LRMDA: variants seen among roughly 807,000 people sequenced by gnomAD.
The protein encoded by LRMDA is leucine rich melanocyte differentiation associated.
LRMDA carries 18 observed loss-of-function variants against 29.8 expected under a neutral mutation model. The ratio of observed to expected loss-of-function variants is 0.60; its 90% CI spans 0.42 to 0.90. LRMDA has a LOEUF of 0.90. LRMDA is among the 40% of genes least tolerant of loss of function. LRMDA has a pLI of 0.00. For missense variants in LRMDA, 273 were observed against 273.9 expected (o/e 1.00, Z 0.02); for synonymous variants, 125 against 109.4 (o/e 1.14, Z -0.89).
At chr10:76,314,500 C>A (rs1051510391) in intron 5 of LRMDA, among the ~76,000 whole-genome samples, 1 of 152,200 alleles carries the variant, frequency 6.6e-6, no homozygotes, top group Non-Finnish European at 1.5e-5. Flanking sequence ...GCAAATACTC[C>A]CACAGTGGCC....
At chr10:75,548,476 T>G (rs903803973) in intron 2 of LRMDA, among the ~76,000 whole-genome samples, 1 of 152,140 alleles carries the variant, frequency 6.6e-6, no homozygotes, top group African/African-American at 2.4e-5. Context: ...GGACCCAGCC[T>G]AGGCCTCCTT....
chr10:76,397,201 C>A (rs114466201), intron 6 of LRMDA, among the ~76,000 whole-genome samples: 3,517 of 152,204 alleles, frequency 0.023, 146 homozygotes, highest in African/African-American at 0.078. Context: ...ATCGGTCAAG[C>A]CATTGCTACC....
In LRMDA at chr10:76,279,638, C is replaced by T. The variant is rs186385344; in HGVS notation, c.517-44763C>T. 8.4e-4 allele frequency among the ~76,000 whole-genome samples: 126 copies of T among 150,484 alleles called. No homozygotes were observed. The Middle Eastern group carries it at 0.014, about 16-fold the overall frequency. ...TTGGCTCACTGCAACCGCTGCCTCC[C>T]GGGTTCAAGCGATTCTCCTGCCTCA... On this transcript the variant is annotated intron_variant, in intron 5 of 6. Transcript: ENST00000611255.
chr10:76,107,301 G>T (rs1461117633), intron 5 of LRMDA, among the ~76,000 whole-genome samples: 1 of 152,180 alleles, frequency 6.6e-6, no homozygotes, highest in Non-Finnish European at 1.5e-5. Flanking sequence ...AGTAAGTCTG[G>T]GGTAGGGCCT....
At chr10:75,748,174 A>G (rs1589185024) in intron 2 of LRMDA, among the ~76,000 whole-genome samples, 1 of 151,936 alleles carries the variant, frequency 6.6e-6, no homozygotes, top group African/African-American at 2.4e-5. Context: ...GCTTACTGCA[A>G]CCTCTGCCTC....
intron 2 of LRMDA, among the ~76,000 whole-genome samples, chr10:75,980,742 T>C (rs925739751): frequency 1.3e-5 from 2 of 152,218 alleles, no homozygotes; most frequent in African/African-American, 4.8e-5. Context: ...CCTCTTTTAC[T>C]CTTCTTACAA....
chr10:76,034,795 T>G (rs1218265420), intron 2 of LRMDA, among the ~76,000 whole-genome samples: 2 of 152,138 alleles, frequency 1.3e-5, no homozygotes, highest in Admixed American at 1.3e-4. Context: ...TTGTCACATT[T>G]TATAGAATAG....
chr10:75,895,043 A>G (rs1438916676), intron 2 of LRMDA, among the ~76,000 whole-genome samples: 1 of 152,182 alleles, frequency 6.6e-6, no homozygotes, highest in Non-Finnish European at 1.5e-5. Flanking sequence ...CCAGTGGGAA[A>G]GGGACAGCTT....
At chr10:76,032,911 T>C (rs542753155) in intron 2 of LRMDA, among the ~76,000 whole-genome samples, 1 of 152,282 alleles carries the variant, frequency 6.6e-6, no homozygotes, top group South Asian at 2.1e-4. Context: ...GGGTGCATTT[T>C]GCTGTCCATA....
intron 4 of LRMDA, among the ~76,000 whole-genome samples, chr10:76,047,739 A>C (rs1335440771): frequency 6.6e-6 from 1 of 152,174 alleles, no homozygotes; most frequent in Admixed American, 6.5e-5. Flanking sequence ...CTGTGTTGTA[A>C]GATCTTTCTG....
intron 6 of LRMDA, among the ~76,000 whole-genome samples, chr10:76,350,271 C>T (rs1383765158): frequency 6.6e-6 from 1 of 151,996 alleles, no homozygotes; most frequent in Non-Finnish European, 1.5e-5. Flanking sequence ...AAAATGATAG[C>T]TCTTATTATT....
At chr10:76,514,255 T>C (rs1480202171) in intron 6 of LRMDA, among the ~76,000 whole-genome samples, 1 of 152,136 alleles carries the variant, frequency 6.6e-6, no homozygotes, top group African/African-American at 2.4e-5. Context: ...CCTTCCAAAG[T>C]GTCTACTTGC....
intron 1 of LRMDA, 45 bp downstream of exon 1, chr10:75,431,799 T>TG: frequency 7.6e-7 from 1 of 1,319,492 alleles, no homozygotes; most frequent in Non-Finnish European, 9.7e-7. Context: ...GCAGTCCGCG[T>TG]GGGGAGGGAC....
intron 2 of LRMDA, among the ~76,000 whole-genome samples, chr10:75,843,278 A>G (rs1171131195): frequency 1.3e-5 from 2 of 152,262 alleles, no homozygotes; most frequent in East Asian, 1.9e-4. Flanking sequence ...GTTTAGCTCA[A>G]TGCATACGGT....
At chr10:75,963,730 G>A (rs1463515404) in intron 2 of LRMDA, among the ~76,000 whole-genome samples, 2 of 152,196 alleles carry the variant, frequency 1.3e-5, no homozygotes, top group Non-Finnish European at 1.5e-5. Context: ...GGGCAAAAGA[G>A]ATGCAAAAAT....
intron 2 of LRMDA, among the ~76,000 whole-genome samples, chr10:75,917,009 C>A (rs543559001): frequency 6.6e-6 from 1 of 152,136 alleles, no homozygotes; most frequent in Non-Finnish European, 1.5e-5. Flanking sequence ...TGTTAAGTTG[C>A]TTCTTTGCGA....
intron 2 of LRMDA, among the ~76,000 whole-genome samples, chr10:75,870,116 G>A (rs1589235189): frequency 6.6e-6 from 1 of 152,108 alleles, no homozygotes; most frequent in South Asian, 2.1e-4. Flanking sequence ...TTTTTGTAGG[G>A]CTTGTGGGCT....
intron 2 of LRMDA, among the ~76,000 whole-genome samples, chr10:76,026,407 C>A (rs955722928): frequency 6.6e-6 from 1 of 152,194 alleles, no homozygotes; most frequent in African/African-American, 2.4e-5. Flanking sequence ...GGACATTAGT[C>A]ATCTTCTGTG....
intron 2 of LRMDA, among the ~76,000 whole-genome samples, chr10:75,773,510 G>T (rs1008263591): frequency 2.0e-5 from 3 of 152,178 alleles, no homozygotes; most frequent in Admixed American, 6.5e-5. Flanking sequence ...AGCCCCTGGG[G>T]GACGCCAATG....
Sources: gnomAD v4.1 joint callset for allele counts (sites outside exome capture counted in the v4.1 genomes callset) on GRCh38, gnomAD v4.1.1 for gene constraint, MANE v1.5 for transcripts, NCBI Gene and HGNC (gene_info 2026-07-23, HGNC 2026-07-21) for gene names.